The following GABRB3 variants were observed in gnomAD, a reference collection of about 807,000 sequenced individuals.
The protein encoded by GABRB3 is gamma-aminobutyric acid receptor subunit beta-3.
GABRB3 carries 14 observed loss-of-function variants against 52.1 expected under a neutral mutation model. That is an observed-to-expected ratio of 0.27 (90% CI 0.18 to 0.42). GABRB3 has a LOEUF of 0.42. GABRB3 is among the 10% of genes least tolerant of loss of function. GABRB3 has a pLI of 1.00. For synonymous variants in GABRB3, 260 were observed against 232.3 expected (o/e 1.12, Z -1.08); for missense variants, 307 against 609.1 (o/e 0.50, Z 5.22).
At position 26,748,572 on chromosome 15, in the gene GABRB3, C is replaced by A. The variant is rs545240341; in HGVS notation, c.240+23830G>T. Among the ~76,000 whole-genome samples the A allele has an allele frequency of 1.6e-4, 25 of 152,262 alleles. No individual in the cohort carries two copies. The South Asian group carries it at 2.5e-3, about 15-fold the overall frequency. ...GATGTGTGATAGCTTCTGTTTCATT[C>A]CTGACATTGATGTCTTTCTCTTTTT... On this transcript the variant is annotated intron_variant, in intron 3 of 8. Transcript: ENST00000311550.
At chr15:26,586,093 G>T (rs556881651) in intron 4 of GABRB3, among the ~76,000 whole-genome samples, 396 of 152,126 alleles carry the variant, frequency 2.6e-3, no homozygotes, top group African/African-American at 8.9e-3. Flanking sequence ...CCATCTCCCA[G>T]GTTCACACCA....
chr15:26,743,069 A>C (rs1310737634), intron 3 of GABRB3, among the ~76,000 whole-genome samples: 1 of 151,382 alleles, frequency 6.6e-6, no homozygotes, highest in Non-Finnish European at 1.5e-5. Flanking sequence ...AGCTGGGATT[A>C]CAGGCACGCA....
At chr15:26,748,347 G>C (rs1448473125) in intron 3 of GABRB3, among the ~76,000 whole-genome samples, 1 of 152,128 alleles carries the variant, frequency 6.6e-6, no homozygotes, top group Admixed American at 6.5e-5. Context: ...TCTGGGCCCA[G>C]AGATTTCTTT....
intron 3 of GABRB3, among the ~76,000 whole-genome samples, chr15:26,684,056 A>G (rs1285649743): frequency 6.6e-6 from 1 of 152,198 alleles, no homozygotes; most frequent in African/African-American, 2.4e-5. Context: ...CATAAGAGTG[A>G]CAGCAGGTGG....
chr15:26,609,218 A>G (rs1465777238), intron 4 of GABRB3, among the ~76,000 whole-genome samples: 2 of 152,102 alleles, frequency 1.3e-5, no homozygotes, highest in Non-Finnish European at 1.5e-5. Flanking sequence ...CATTATACTA[A>G]GTGAATTACG....
At chr15:26,703,990 C>T (rs1455027426) in intron 3 of GABRB3, among the ~76,000 whole-genome samples, 2 of 152,182 alleles carry the variant, frequency 1.3e-5, no homozygotes, top group African/African-American at 4.8e-5. Flanking sequence ...TTGGTGGCAG[C>T]CAGGCCCCAA....
intron 4 of GABRB3, among the ~76,000 whole-genome samples, chr15:26,610,585 T>C (rs1426220): frequency 0.49 from 74,422 of 151,930 alleles, 19,410 homozygotes; most frequent in Non-Finnish European, 0.59. Context: ...GTTTGGGCTC[T>C]CTATGGACCT....
chr15:26,668,890 T>C (rs937729080), intron 3 of GABRB3, among the ~76,000 whole-genome samples: 1 of 152,172 alleles, frequency 6.6e-6, no homozygotes, highest in Admixed American at 6.5e-5. Flanking sequence ...GGGTGATTGA[T>C]TCATAAATGA....
intron 3 of GABRB3, among the ~76,000 whole-genome samples, chr15:26,755,156 A>G (rs1890626354): frequency 6.6e-6 from 1 of 152,054 alleles, no homozygotes; most frequent in Admixed American, 6.6e-5. Flanking sequence ...GGTGCAGGTC[A>G]CCATGCCCGG....
chr15:26,558,650 C>G (rs1889847885), intron 8 of GABRB3, among the ~76,000 whole-genome samples: 1 of 152,044 alleles, frequency 6.6e-6, no homozygotes, highest in East Asian at 1.9e-4. Context: ...CGCCTGTAAT[C>G]CCAGCACTTT....
intron 3 of GABRB3, among the ~76,000 whole-genome samples, chr15:26,731,712 G>A (rs991868955): frequency 2.0e-5 from 3 of 152,178 alleles, no homozygotes; most frequent in African/African-American, 7.2e-5. Flanking sequence ...ACTGCAAATG[G>A]TTTATGCCAA....
chr15:26,718,814 G>A (rs561245262), intron 3 of GABRB3, among the ~76,000 whole-genome samples: 6 of 152,220 alleles, frequency 3.9e-5, no homozygotes, highest in East Asian at 1.9e-4. Flanking sequence ...GTACACCTCC[G>A]TGCTCCCACA....
intron 3 of GABRB3, chr15:26,772,020 C>A (rs796426399): frequency 1.3e-4 from 28 of 215,306 alleles, no homozygotes; most frequent in African/African-American, 6.3e-4. Context: ...GAGCCACCCC[C>A]ACATCTCGCC....
intron 3 of GABRB3, among the ~76,000 whole-genome samples, chr15:26,723,306 C>A (rs747944772): frequency 2.0e-5 from 3 of 152,174 alleles, no homozygotes; most frequent in African/African-American, 7.2e-5. Flanking sequence ...TAATTTGAGT[C>A]TTTTGAATGT....
intron 3 of GABRB3, among the ~76,000 whole-genome samples, chr15:26,670,757 A>G (rs1215811605): frequency 6.6e-6 from 1 of 152,248 alleles, no homozygotes; most frequent in Admixed American, 6.5e-5. Context: ...GACACAAGCT[A>G]CAACTTGTAA....
chr15:26,558,039 T>TTGTATG (rs1234077146), intron 8 of GABRB3: 1 of 152,076 alleles, frequency 6.6e-6, no homozygotes, highest in Non-Finnish European at 1.5e-5. Context: ...AAAGACAGCG[T>TTGTATG]TGTATGTGTA....
chr15:26,617,056 C>T (rs1595485924), intron 4 of GABRB3, among the ~76,000 whole-genome samples: 1 of 152,082 alleles, frequency 6.6e-6, no homozygotes, highest in South Asian at 2.1e-4. Flanking sequence ...CTGAATAGAC[C>T]AATAACAGGA....
intron 3 of GABRB3, among the ~76,000 whole-genome samples, chr15:26,742,972 C>T (rs1890250082): frequency 1.4e-5 from 2 of 147,524 alleles, no homozygotes; most frequent in Non-Finnish European, 3.0e-5. Flanking sequence ...CTATGGCGCC[C>T]AGGCGGGAGT....
intron 4 of GABRB3, among the ~76,000 whole-genome samples, chr15:26,592,653 A>G (rs1251045388): frequency 6.6e-6 from 1 of 152,218 alleles, no homozygotes; most frequent in Non-Finnish European, 1.5e-5. Flanking sequence ...TACTGAAGGC[A>G]AGGGAATAGA....
Sources: gnomAD v4.1 joint callset for allele counts (sites outside exome capture counted in the v4.1 genomes callset) on GRCh38, gnomAD v4.1.1 for gene constraint, MANE v1.5 for transcripts, NCBI Gene and HGNC (gene_info 2026-07-23, HGNC 2026-07-21) for gene names.